STARD13: variants seen among roughly 807,000 people sequenced by gnomAD.
STARD13 encodes StAR related lipid transfer domain containing 13.
In STARD13, 62 loss-of-function variants were observed where a neutral mutation model predicts 106.4. That is an observed-to-expected ratio of 0.58 (90% CI 0.48 to 0.72). The LOEUF (loss-of-function observed/expected upper bound fraction) is 0.72, where lower values mean the gene tolerates loss of function less well. Among genes scored for constraint, STARD13 ranks in the 30% least tolerant of loss-of-function variants. The pLI is 0.00. For missense variants in STARD13, 1,387 were observed against 1,424.0 expected (o/e 0.97, Z 0.42); for synonymous variants, 565 against 553.0 (o/e 1.02, Z -0.31).
At chr13:33,175,521 A>G (rs1047351942) in intron 1 of STARD13, among the ~76,000 whole-genome samples, 4 of 152,140 alleles carry the variant, frequency 2.6e-5, no homozygotes, top group African/African-American at 9.7e-5. Flanking sequence ...TCTCTAATTC[A>G]GTTTCTCCAG....
At chr13:33,543,484 G>A in the STARD13 span, among the ~76,000 whole-genome samples, 1 of 150,458 alleles carries the variant, frequency 6.6e-6, no homozygotes, top group Admixed American at 6.6e-5. Context: ...CTTTAATAAT[G>A]TTCTTTTTTT....
chr13:33,375,216 T>A, the STARD13 span, among the ~76,000 whole-genome samples: 50 of 152,140 alleles, frequency 3.3e-4, no homozygotes, highest in African/African-American at 1.2e-3. Context: ...AGGCTGTTAA[T>A]AGAAACCAAT....
chr13:33,141,879 C>G (rs962735717), intron 4 of STARD13, among the ~76,000 whole-genome samples: 1 of 151,526 alleles, frequency 6.6e-6, no homozygotes, highest in Non-Finnish European at 1.5e-5. Context: ...TTACGCAAAC[C>G]CTCTAATAAA....
At chr13:33,479,997 T>C in the STARD13 span, among the ~76,000 whole-genome samples, 404 of 152,264 alleles carry the variant, frequency 2.7e-3, 3 homozygotes, top group African/African-American at 9.1e-3. Flanking sequence ...AATTACCCAA[T>C]CTCAGGTATT....
At chr13:33,524,219 T>C in the STARD13 span, 1 of 1,273,246 alleles carries the variant, frequency 7.9e-7, no homozygotes, top group Non-Finnish European at 1.0e-6. Context: ...GGGGCATATG[T>C]AAGAAAACTA....
intron 1 of STARD13, among the ~76,000 whole-genome samples, chr13:33,304,167 G>GT (rs1011639667): frequency 6.6e-6 from 1 of 152,226 alleles, no homozygotes; most frequent in African/African-American, 2.4e-5. Flanking sequence ...TACTTCTGAG[G>GT]TTTTAGATCT....
the STARD13 span, among the ~76,000 whole-genome samples, chr13:33,558,138 AG>A: frequency 6.6e-6 from 1 of 152,252 alleles, no homozygotes; most frequent in African/African-American, 2.4e-5. Context: ...ATACTTTAAG[AG>A]GAAAAAAATA....
the STARD13 span, among the ~76,000 whole-genome samples, chr13:33,413,845 A>G: frequency 1.9e-3 from 294 of 152,114 alleles, 2 homozygotes; most frequent in African/African-American, 6.8e-3. Flanking sequence ...CATCCTGGCT[A>G]ATACGGTAAA....
At chr13:33,563,735 T>A in the STARD13 span, among the ~76,000 whole-genome samples, 1 of 147,406 alleles carries the variant, frequency 6.8e-6, no homozygotes, top group East Asian at 2.0e-4. Flanking sequence ...TGGAATTACA[T>A]CCAGCCTAAA....
intron 1 of STARD13, among the ~76,000 whole-genome samples, chr13:33,233,641 A>G (rs1889038138): frequency 6.6e-6 from 1 of 152,250 alleles, no homozygotes; most frequent in African/African-American, 2.4e-5. Context: ...AAAGGCTGTA[A>G]CACCAGCCCT....
chr13:33,675,169 C>G, the STARD13 span, among the ~76,000 whole-genome samples: 1 of 152,192 alleles, frequency 6.6e-6, no homozygotes, highest in Non-Finnish European at 1.5e-5. Flanking sequence ...CCTCAGAGAG[C>G]CACTCTCAGT....
At chr13:33,262,840 A>G (rs1316259406) in intron 1 of STARD13, among the ~76,000 whole-genome samples, 2 of 152,090 alleles carry the variant, frequency 1.3e-5, no homozygotes, top group South Asian at 4.2e-4. Context: ...CAGGAGCACA[A>G]TGTCCATCCC....
At chr13:33,172,260 C>T (rs536606353) in intron 1 of STARD13, among the ~76,000 whole-genome samples, 10 of 152,090 alleles carry the variant, frequency 6.6e-5, no homozygotes, top group African/African-American at 1.2e-4. Context: ...TACTTTGTTT[C>T]GAGAATGATG....
chr13:33,530,150 A>T, the STARD13 span, among the ~76,000 whole-genome samples: 1 of 151,234 alleles, frequency 6.6e-6, no homozygotes, highest in Non-Finnish European at 1.5e-5. Flanking sequence ...CTTCTTCAAC[A>T]CCTTATTTTT....
At chr13:33,622,161 T>A in the STARD13 span, among the ~76,000 whole-genome samples, 1 of 152,038 alleles carries the variant, frequency 6.6e-6, no homozygotes, top group Non-Finnish European at 1.5e-5. Flanking sequence ...ATCAACCAAT[T>A]CCACCAAATG....
chr13:33,187,688 A>G (rs2138487099), intron 1 of STARD13, among the ~76,000 whole-genome samples: 1 of 152,126 alleles, frequency 6.6e-6, no homozygotes, highest in South Asian at 2.1e-4. Context: ...AAATTTATTT[A>G]TTTATTTTGT....
At chr13:33,467,129 G>A in the STARD13 span, among the ~76,000 whole-genome samples, 1,228 of 151,886 alleles carry the variant, frequency 8.1e-3, 13 homozygotes, top group African/African-American at 0.029. Context: ...CCTAATAATA[G>A]GATGTAATCC....
chr13:33,601,648 C>T, the STARD13 span, among the ~76,000 whole-genome samples: 16 of 152,216 alleles, frequency 1.1e-4, no homozygotes, highest in Non-Finnish European at 2.2e-4. Context: ...CCCAAAGTTA[C>T]CCAGTTCCCA....
At chr13:33,150,062 G>C (rs1320260623) in intron 3 of STARD13, among the ~76,000 whole-genome samples, 1 of 152,210 alleles carries the variant, frequency 6.6e-6, no homozygotes. Flanking sequence ...TTGGAGCCTT[G>C]ATTCAGACAG....
Sources: gnomAD v4.1 joint callset for allele counts (sites outside exome capture counted in the v4.1 genomes callset) on GRCh38, gnomAD v4.1.1 for gene constraint, MANE v1.5 for transcripts, NCBI Gene and HGNC (gene_info 2026-07-23, HGNC 2026-07-21) for gene names.